The following SDK1 variants were observed in gnomAD, a reference collection of about 807,000 sequenced individuals.
SDK1 encodes the protein sidekick cell adhesion molecule 1.
A neutral mutation model predicts 245.5 loss-of-function variants in SDK1; 157 were observed. That is an observed-to-expected ratio of 0.64 (90% CI 0.56 to 0.73). The LOEUF is 0.73. Ranked by LOEUF, SDK1 falls within the 30% of genes least tolerant of loss-of-function variation. SDK1 has a pLI of 0.00. For synonymous variants in SDK1, 1,647 were observed against 1,278.5 expected, an observed-to-expected ratio of 1.29 and a Z score of -6.15; for missense variants, 3,583 against 3,002.3, an observed-to-expected ratio of 1.19 and a Z score of -4.52.
chr7:3,874,919 G>A (rs1781038385), intron 5 of SDK1, among the ~76,000 whole-genome samples: 1 of 152,182 alleles, frequency 6.6e-6, no homozygotes, highest in South Asian at 2.1e-4. Context: ...CCAGCACCAA[G>A]TGGGGGAAGC....
At chr7:3,554,817 C>T (rs2128624249) in intron 1 of SDK1, among the ~76,000 whole-genome samples, 2 of 152,136 alleles carry the variant, frequency 1.3e-5, no homozygotes, top group Admixed American at 1.3e-4. Flanking sequence ...AAAAAGAAAT[C>T]AAGAAACTAA....
chr7:3,657,273 C>G (rs369148556), intron 4 of SDK1, among the ~76,000 whole-genome samples: 17 of 152,268 alleles, frequency 1.1e-4, no homozygotes, highest in Admixed American at 4.6e-4. Flanking sequence ...GCAAAACATG[C>G]TAAACAGATG....
rs202224348 is a variant in SDK1, at chr7:4,079,606, G to C, written c.3324+22G>C. ...GCAGGTACGTGTGTCGTTAGACTGG[G>C]AGCTGGCATTTGCGAAGAGCAGTGT... On this transcript the variant is annotated intron_variant, in intron 22 of 44. Transcript: ENST00000404826. 2.4e-5 allele frequency: 38 copies of C among 1,613,722 alleles called. No individual in the cohort carries two copies. In the East Asian group the frequency reaches 4.5e-4, roughly 19 times the overall value.
intron 5 of SDK1, among the ~76,000 whole-genome samples, chr7:3,902,331 T>G (rs1306173473): frequency 6.6e-6 from 1 of 152,184 alleles, no homozygotes; most frequent in Non-Finnish European, 1.5e-5. Context: ...GAACCCTGAT[T>G]CCCCATCACA....
chr7:3,413,217 G>C (rs1260617463), intron 1 of SDK1, among the ~76,000 whole-genome samples: 1 of 152,148 alleles, frequency 6.6e-6, no homozygotes, highest in Non-Finnish European at 1.5e-5. Flanking sequence ...TGAGCCAAGA[G>C]TAGGCCTAGT....
chr7:3,572,789 G>A (rs17133566), intron 1 of SDK1, among the ~76,000 whole-genome samples: 22,602 of 152,054 alleles, frequency 0.15, 2,152 homozygotes, highest in East Asian at 0.35. Flanking sequence ...AGACAAGTGC[G>A]TGGGCTAAAC....
intron 5 of SDK1, among the ~76,000 whole-genome samples, chr7:3,855,311 CA>C (rs1780518384): frequency 6.6e-6 from 1 of 151,690 alleles, no homozygotes; most frequent in South Asian, 2.1e-4. Context: ...GACACCCACT[CA>C]ACAAAAAATA....
intron 1 of SDK1, among the ~76,000 whole-genome samples, chr7:3,574,946 G>A (rs1583183382): frequency 6.6e-6 from 1 of 152,146 alleles, no homozygotes; most frequent in East Asian, 1.9e-4. Context: ...CCTCTTGGTA[G>A]CTGTGAAGTA....
chr7:3,377,886 C>G (rs936940966), intron 1 of SDK1, among the ~76,000 whole-genome samples: 2 of 152,148 alleles, frequency 1.3e-5, no homozygotes. Context: ...TCAAGCAATT[C>G]TCCTGCGTCA....
intron 5 of SDK1, among the ~76,000 whole-genome samples, chr7:3,902,907 A>G (rs1471202477): frequency 6.6e-6 from 1 of 152,224 alleles, no homozygotes; most frequent in Non-Finnish European, 1.5e-5. Context: ...TCCATAACAC[A>G]TAAAGAATTT....
Position 3,977,579 on chromosome 7 carries a change from G to A in SDK1, c.1994+3034G>A, listed in dbSNP as rs1015456358. Among the ~76,000 whole-genome samples, 4 of 152,230 alleles carry A rather than the reference G, an allele frequency of 2.6e-5. 1 individual carries two copies. Among genetic ancestry groups the A allele is most frequent in the Non-Finnish European group, 5.9e-5 (4 of 68,044 alleles). On this transcript the variant is annotated intron_variant, in intron 13 of 44. Transcript: ENST00000404826. ...TGCGGTTGGGTGCTGTCATCCGTGG[G>A]CTTCCCCGGAGGTCTCCTGATCATG...
chr7:3,462,752 C>T (rs1172654002), intron 1 of SDK1, among the ~76,000 whole-genome samples: 1 of 152,146 alleles, frequency 6.6e-6, no homozygotes, highest in Non-Finnish European at 1.5e-5. Context: ...CTCTCTATTG[C>T]CGCCATCCTA....
intron 44 of SDK1, among the ~76,000 whole-genome samples, chr7:4,257,480 TA>T (rs1383733013): frequency 6.6e-6 from 1 of 152,160 alleles, no homozygotes; most frequent in African/African-American, 2.4e-5. Flanking sequence ...GTCATATAAA[TA>T]ATAAACAGAG....
At chr7:3,829,975 T>G (rs944830818) in intron 5 of SDK1, among the ~76,000 whole-genome samples, 1 of 152,140 alleles carries the variant, frequency 6.6e-6, no homozygotes, top group Admixed American at 6.5e-5. Flanking sequence ...ATCAGAACAA[T>G]AAGTCACAAT....
chr7:3,856,694 G>A (rs1410523498), intron 5 of SDK1, among the ~76,000 whole-genome samples: 1 of 152,014 alleles, frequency 6.6e-6, no homozygotes, highest in Non-Finnish European at 1.5e-5. Flanking sequence ...AGGAGGCTGA[G>A]GCAGGAGTGT....
chr7:3,309,899 AG>A (rs1406721565), intron 1 of SDK1, among the ~76,000 whole-genome samples: 17 of 152,184 alleles, frequency 1.1e-4, no homozygotes, highest in Non-Finnish European at 2.4e-4. Flanking sequence ...TGGTTGTCTT[AG>A]CTAAAACTCC....
chr7:4,262,472 A>G (rs982933912), intron 44 of SDK1, among the ~76,000 whole-genome samples: 2 of 151,828 alleles, frequency 1.3e-5, no homozygotes, highest in Non-Finnish European at 2.9e-5. Flanking sequence ...AAGGAAAAAA[A>G]AAAGCCTCAA....
Position 4,175,102 on chromosome 7 carries a change from C to T in SDK1, c.4937-673C>T, listed in dbSNP as rs535909522. On this transcript the variant is annotated intron_variant, in intron 33 of 44. Transcript: ENST00000404826. ...CTACCTCACGCGCCAATGCCAGCCG[C>T]GGGGCCTTCCACGCACCCAGTGCGC... Among the ~76,000 whole-genome samples, 36 of 152,350 alleles carry T rather than the reference C, an allele frequency of 2.4e-4. 1 individual carries two copies. Among genetic ancestry groups the T allele is most frequent in the African/African-American group, 8.4e-4 (35 of 41,582 alleles).
chr7:3,938,418 G>A (rs1173946707), intron 5 of SDK1, among the ~76,000 whole-genome samples: 1 of 152,048 alleles, frequency 6.6e-6, no homozygotes, highest in Admixed American at 6.6e-5. Context: ...CGAGGCGGGA[G>A]GATCACAAGG....
Sources: gnomAD v4.1 joint callset for allele counts (sites outside exome capture counted in the v4.1 genomes callset) on GRCh38, gnomAD v4.1.1 for gene constraint, MANE v1.5 for transcripts, NCBI Gene and HGNC (gene_info 2026-07-23, HGNC 2026-07-21) for gene names.